The following RBFOX1 variants were observed in gnomAD, a reference collection of about 807,000 sequenced individuals.
The protein encoded by RBFOX1 is RNA binding protein fox-1 homolog 1.
In RBFOX1, 8 loss-of-function variants were observed where a neutral mutation model predicts 57.7. The observed-to-expected ratio is 0.14, with a 90% CI of 0.08 to 0.25. RBFOX1 has a LOEUF of 0.25. RBFOX1 is among the 10% of genes least tolerant of loss of function. The pLI, the probability that RBFOX1 is intolerant of heterozygous loss-of-function variation, is 1.00. For synonymous variants in RBFOX1, 326 were observed against 222.4 expected (o/e 1.47, Z -4.15); for missense variants, 611 against 548.5 (o/e 1.11, Z -1.14).
intron 4 of RBFOX1, among the ~76,000 whole-genome samples, chr16:7,199,511 C>A (rs1177620544): frequency 6.6e-6 from 1 of 152,176 alleles, no homozygotes; most frequent in African/African-American, 2.4e-5. Context: ...AAACACCTGT[C>A]ATTGCTGTGT....
At chr16:6,897,539 A>T (rs1302929378) in intron 3 of RBFOX1, among the ~76,000 whole-genome samples, 1 of 152,238 alleles carries the variant, frequency 6.6e-6, no homozygotes, top group African/African-American at 2.4e-5. Context: ...CACGCCTGTA[A>T]TCCCAACACT....
At position 5,424,845 on chromosome 16, in the gene RBFOX1, C is replaced by G. The variant is rs541256327; in HGVS notation, c.220-42371C>G. ...TCTCCTCTCCTCTCTTTCTTTCTTTCTTTCTCTCTCTCTCTTCTTTCTTTC... is the reference window on the plus strand; with the variant it reads ...TCTCCTCTCCTCTCTTTCTTTCTTTGTTTCTCTCTCTCTCTTCTTTCTTTC... On this transcript the variant is annotated intron_variant, in intron 1 of 2. Transcript: ENST00000585867. 3.0e-4 allele frequency among the ~76,000 whole-genome samples: 45 copies of G among 150,898 alleles called. 2 individuals carry two copies. Among genetic ancestry groups the G allele is most frequent in the African/African-American group, 1.1e-3 (45 of 40,724 alleles).
chr16:7,340,072 C>G (rs376779402), intron 4 of RBFOX1, among the ~76,000 whole-genome samples: 2 of 152,228 alleles, frequency 1.3e-5, no homozygotes, highest in African/African-American at 2.4e-5. Context: ...CCATGCACAT[C>G]TCCAAATCAA....
At chr16:6,982,071 T>A (rs1387487080) in intron 3 of RBFOX1, among the ~76,000 whole-genome samples, 1 of 152,178 alleles carries the variant, frequency 6.6e-6, no homozygotes, top group East Asian at 1.9e-4. Context: ...CATGATATAC[T>A]CATGTTGGTT....
chr16:6,032,887 T>C (rs1181851688), intron 1 of RBFOX1, among the ~76,000 whole-genome samples: 1 of 148,510 alleles, frequency 6.7e-6, no homozygotes, highest in Non-Finnish European at 1.5e-5. Flanking sequence ...TGTAAGTTTT[T>C]TTTTTTTTTT....
chr16:5,356,827 C>G (rs951855059), intron 1 of RBFOX1, among the ~76,000 whole-genome samples: 5 of 152,088 alleles, frequency 3.3e-5, no homozygotes, highest in Admixed American at 2.6e-4. Context: ...TGTCATTGTC[C>G]TTATGTTTGT....
chr16:5,792,465 A>G (rs2054733421), intron 3 of RBFOX1, among the ~76,000 whole-genome samples: 1 of 152,294 alleles, frequency 6.6e-6, no homozygotes, highest in South Asian at 2.1e-4. Flanking sequence ...TAACATAAAC[A>G]CTCACTGAAC....
chr16:7,391,679 C>G (rs2098026182), intron 4 of RBFOX1, among the ~76,000 whole-genome samples: 2 of 152,202 alleles, frequency 1.3e-5, no homozygotes, highest in Admixed American at 1.3e-4. Context: ...ACTCTTCCCC[C>G]AAAAGACTGT....
chr16:7,111,717 A>C (rs74011048), intron 4 of RBFOX1, among the ~76,000 whole-genome samples: 2,726 of 151,278 alleles, frequency 0.018, 83 homozygotes, highest in African/African-American at 0.064. Context: ...GTCTGAAAGG[A>C]CCTGGTCTTT....
At chr16:5,544,951 CTTTTTT>C (rs59873374) in intron 2 of RBFOX1, among the ~76,000 whole-genome samples, 22 of 124,380 alleles carry the variant, frequency 1.8e-4, no homozygotes, top group African/African-American at 7.2e-4. Context: ...CTATTACATT[CTTTTTT>C]TTTTTTTTTT....
chr16:6,672,407 G>A (rs564323990), intron 3 of RBFOX1, among the ~76,000 whole-genome samples: 2 of 150,474 alleles, frequency 1.3e-5, no homozygotes, highest in East Asian at 3.9e-4. Flanking sequence ...GAAAAGGAAG[G>A]ACGGATGGAT....
chr16:6,486,495 G>T (rs796864765), intron 2 of RBFOX1, among the ~76,000 whole-genome samples: 1 of 151,956 alleles, frequency 6.6e-6, no homozygotes, highest in East Asian at 1.9e-4. Flanking sequence ...AAAACTTCAC[G>T]TGTCTTAGTC....
intron 3 of RBFOX1, among the ~76,000 whole-genome samples, chr16:6,816,531 G>C (rs948457967): frequency 6.6e-6 from 1 of 151,498 alleles, no homozygotes; most frequent in Non-Finnish European, 1.5e-5. Context: ...CACAGGATCA[G>C]GAGATGAAGA....
At chr16:6,818,434 GA>G (rs201101880) in intron 3 of RBFOX1, among the ~76,000 whole-genome samples, 18 of 148,968 alleles carry the variant, frequency 1.2e-4, no homozygotes, top group Middle Eastern at 7.0e-3. Flanking sequence ...TGGCCAAAAA[GA>G]AAAAAAAAAT....
chr16:5,400,732 A>G lies in RBFOX1; in HGVS notation c.220-66484A>G, dbSNP rs565746814. 5.3e-5 allele frequency among the ~76,000 whole-genome samples: 8 copies of G among 152,110 alleles called. No homozygotes were observed. The East Asian group carries it at 1.5e-3, about 29-fold the overall frequency. ...AAGGATTCCCAGTGTATTTTGTTAA[A>G]TTGCTTTTAAGGAAGATTGTAAAAA... On this transcript the variant is annotated intron_variant, in intron 1 of 2. Transcript: ENST00000585867.
chr16:6,357,644 C>G (rs2087610671), intron 2 of RBFOX1, among the ~76,000 whole-genome samples: 1 of 151,958 alleles, frequency 6.6e-6, no homozygotes, highest in Non-Finnish European at 1.5e-5. Context: ...TTCCTGCTTT[C>G]TGAGTTCTCT....
At chr16:5,915,055 G>T (rs1202723540) in intron 4 of RBFOX1, among the ~76,000 whole-genome samples, 1 of 152,198 alleles carries the variant, frequency 6.6e-6, no homozygotes, top group Non-Finnish European at 1.5e-5. Context: ...TTACACCCAA[G>T]GGGAGGGTGT....
intron 2 of RBFOX1, among the ~76,000 whole-genome samples, chr16:6,462,846 G>A (rs1452533195): frequency 2.0e-5 from 3 of 152,034 alleles, no homozygotes; most frequent in Admixed American, 2.0e-4. Flanking sequence ...TGTTCTTGAC[G>A]ACTAATTATA....
At chr16:6,609,329 ATTTTCT>A (rs1265916194) in intron 2 of RBFOX1, among the ~76,000 whole-genome samples, 1 of 151,686 alleles carries the variant, frequency 6.6e-6, no homozygotes, top group African/African-American at 2.4e-5. Context: ...GTGGAAAATG[ATTTTCT>A]TTTTTCTCTT....
Sources: gnomAD v4.1 joint callset for allele counts (sites outside exome capture counted in the v4.1 genomes callset) on GRCh38, gnomAD v4.1.1 for gene constraint, MANE v1.5 for transcripts, NCBI Gene and HGNC (gene_info 2026-07-23, HGNC 2026-07-21) for gene names.